Variants in ANO4 observed in about 807,000 individuals in gnomAD.
ANO4 encodes the protein anoctamin-4.
ANO4 carries 69 observed loss-of-function variants against 141.9 expected under a neutral mutation model. The observed-to-expected ratio is 0.49, with a 90% CI of 0.40 to 0.59. The LOEUF is 0.59. ANO4 is among the 20% of genes least tolerant of loss of function. ANO4 has a pLI of 0.00. For missense variants in ANO4, 894 were observed against 1,162.2 expected, an observed-to-expected ratio of 0.77 and a Z score of 3.36; for synonymous variants, 350 against 394.3, an observed-to-expected ratio of 0.89 and a Z score of 1.33.
intron 17 of ANO4, among the ~76,000 whole-genome samples, chr12:101,092,311 G>T (rs2049809372): frequency 6.6e-6 from 1 of 151,908 alleles, no homozygotes; most frequent in Non-Finnish European, 1.5e-5. Context: ...GATAAAAGTA[G>T]AAGTACACAC....
intron 1 of ANO4, among the ~76,000 whole-genome samples, chr12:100,843,899 C>T (rs1369259468): frequency 2.6e-5 from 4 of 152,094 alleles, no homozygotes; most frequent in Non-Finnish European, 5.9e-5. Flanking sequence ...AATTCTCTTC[C>T]GATAGAAGCT....
At chr12:100,759,474 G>T (rs1171016891) in intron 3 of ANO4, among the ~76,000 whole-genome samples, 1 of 152,100 alleles carries the variant, frequency 6.6e-6, no homozygotes, top group East Asian at 1.9e-4. Flanking sequence ...CATCTTCAGG[G>T]ATATCAAGAG....
At chr12:100,918,161 T>C (rs772560648) in intron 2 of ANO4, among the ~76,000 whole-genome samples, 12 of 152,150 alleles carry the variant, frequency 7.9e-5, no homozygotes, top group African/African-American at 1.2e-4. Flanking sequence ...ACCCTTTCTC[T>C]ATACAAAATA....
intron 4 of ANO4, among the ~76,000 whole-genome samples, chr12:100,941,531 G>C (rs2042511041): frequency 6.6e-6 from 1 of 152,054 alleles, no homozygotes; most frequent in African/African-American, 2.4e-5. Context: ...TTTCACTGCT[G>C]TATAATATTC....
intron 13 of ANO4, among the ~76,000 whole-genome samples, chr12:101,045,597 A>T (rs2047586082): frequency 6.6e-6 from 1 of 152,214 alleles, no homozygotes; most frequent in African/African-American, 2.4e-5. Flanking sequence ...TGTTCTGCTG[A>T]TAGGGATGCT....
At chr12:100,729,449 T>A (rs889383308) in intron 1 of ANO4, among the ~76,000 whole-genome samples, 1 of 150,474 alleles carries the variant, frequency 6.6e-6, no homozygotes, top group African/African-American at 2.4e-5. Context: ...TACTTTCTCA[T>A]GTATTAAATA....
At chr12:100,974,505 C>A (rs892810892) in intron 6 of ANO4, among the ~76,000 whole-genome samples, 1 of 151,918 alleles carries the variant, frequency 6.6e-6, no homozygotes, top group Admixed American at 6.6e-5. Context: ...TTGCATTTTC[C>A]TGGGGAAAAA....
chr12:100,729,745 A>G (rs1183520082), intron 1 of ANO4, among the ~76,000 whole-genome samples: 1 of 152,228 alleles, frequency 6.6e-6, no homozygotes, highest in Non-Finnish European at 1.5e-5. Context: ...TAATTCCAGT[A>G]GGTAAGAATA....
intron 3 of ANO4, among the ~76,000 whole-genome samples, chr12:100,754,409 C>A (rs922743887): frequency 3.3e-5 from 5 of 152,106 alleles, no homozygotes; most frequent in Non-Finnish European, 7.4e-5. Flanking sequence ...ACTCTTTTCC[C>A]AGTCTATTCC....
At chr12:100,811,658 T>C (rs892982082) in intron 1 of ANO4, among the ~76,000 whole-genome samples, 3 of 152,220 alleles carry the variant, frequency 2.0e-5, no homozygotes, top group Non-Finnish European at 2.9e-5. Context: ...GCCACTGTTC[T>C]CTTGGCCATA....
At chr12:100,779,027 T>A (rs1286096196) in intron 3 of ANO4, among the ~76,000 whole-genome samples, 1 of 151,424 alleles carries the variant, frequency 6.6e-6, no homozygotes, top group Non-Finnish European at 1.5e-5. Flanking sequence ...ACAGTGAGCA[T>A]GTATTACTAC....
At chr12:100,859,455 G>T (rs2038357541) in intron 1 of ANO4, among the ~76,000 whole-genome samples, 1 of 152,186 alleles carries the variant, frequency 6.6e-6, no homozygotes, top group Admixed American at 6.5e-5. Context: ...AAGTCACTGA[G>T]ATTTGGGGAG....
At chr12:101,068,828 C>T in intron 14 of ANO4, 2 of 1,067,642 alleles carry the variant, frequency 1.9e-6, no homozygotes, top group Admixed American at 3.4e-5. Context: ...TTGAAGGTTG[C>T]TGAGCTATTT....
chr12:101,008,153 A>G (rs2045945185), intron 8 of ANO4, among the ~76,000 whole-genome samples: 1 of 152,176 alleles, frequency 6.6e-6, no homozygotes, highest in South Asian at 2.1e-4. Context: ...TTTGACAAAT[A>G]TGTTATTCCA....
chr12:101,118,047 G>T (rs569153693), intron 25 of ANO4, among the ~76,000 whole-genome samples: 1 of 151,804 alleles, frequency 6.6e-6, no homozygotes, highest in Non-Finnish European at 1.5e-5. Flanking sequence ...ATCTAGTGCC[G>T]CTCTCTGTTG....
At chr12:100,827,533 G>A (rs925524254) in intron 1 of ANO4, among the ~76,000 whole-genome samples, 1 of 151,856 alleles carries the variant, frequency 6.6e-6, no homozygotes, top group Non-Finnish European at 1.5e-5. Flanking sequence ...TTTGTCTACT[G>A]CTATGCCTAG....
intron 1 of ANO4, among the ~76,000 whole-genome samples, chr12:100,813,398 G>A (rs2035558993): frequency 6.6e-6 from 1 of 152,150 alleles, no homozygotes; most frequent in Admixed American, 6.6e-5. Flanking sequence ...AATTCCCAGA[G>A]TCTGGATTGG....
At chr12:100,723,323 G>A (rs1346362671) in intron 1 of ANO4, among the ~76,000 whole-genome samples, 1 of 152,172 alleles carries the variant, frequency 6.6e-6, no homozygotes, top group Non-Finnish European at 1.5e-5. Context: ...TCTGGAGGCT[G>A]GAAGTCCCTG....
At chr12:100,869,811 A>T (rs919519733) in intron 1 of ANO4, among the ~76,000 whole-genome samples, 14 of 152,198 alleles carry the variant, frequency 9.2e-5, no homozygotes, top group African/African-American at 3.1e-4. Context: ...GAGACTCAAC[A>T]GTCTTTATAG....
Sources: allele counts gnomAD v4.1 joint callset (sites outside exome capture counted in the v4.1 genomes callset), GRCh38; gene constraint gnomAD v4.1.1; transcripts MANE v1.5; gene names NCBI Gene and HGNC (gene_info 2026-07-23, HGNC 2026-07-21).